GPHN: variants seen among roughly 807,000 people sequenced by gnomAD.
GPHN encodes gephyrin.
Under a neutral mutation model 95.5 loss-of-function variants are expected in GPHN, and 17 were observed. The observed-to-expected ratio is 0.18, with a 90% CI of 0.12 to 0.27. GPHN has a LOEUF of 0.27. GPHN is among the 10% of genes least tolerant of loss of function. The pLI is 1.00. For synonymous variants in GPHN, 320 were observed against 322.5 expected (o/e 0.99, Z 0.08); for missense variants, 660 against 978.1 (o/e 0.67, Z 4.34).
At chr14:67,690,093 T>G in the GPHN span, 1 of 801,602 alleles carries the variant, frequency 1.2e-6, no homozygotes, top group Non-Finnish European at 2.0e-6. Context: ...CTGTACCCAA[T>G]TATAGCCACG....
chr14:67,124,433 C>T (rs1268464274), intron 17 of GPHN, among the ~76,000 whole-genome samples: 3 of 152,036 alleles, frequency 2.0e-5, no homozygotes, highest in African/African-American at 7.2e-5. Flanking sequence ...GAAAGTAAAG[C>T]CAGTGTACAG....
the GPHN span, among the ~76,000 whole-genome samples, chr14:67,703,798 C>A: frequency 6.6e-6 from 1 of 152,120 alleles, no homozygotes; most frequent in Non-Finnish European, 1.5e-5. Context: ...ACTTCAGCCT[C>A]CCTAATAGCT....
At chr14:67,630,223 A>G in the GPHN span, among the ~76,000 whole-genome samples, 1 of 152,242 alleles carries the variant, frequency 6.6e-6, no homozygotes, top group Non-Finnish European at 1.5e-5. Flanking sequence ...AATGGGTATC[A>G]TAGATAACAG....
At chr14:67,602,275 T>A in the GPHN span, among the ~76,000 whole-genome samples, 2 of 152,062 alleles carry the variant, frequency 1.3e-5, no homozygotes, top group Non-Finnish European at 2.9e-5. Context: ...AACCGTCAGA[T>A]CTCGTGAGAG....
chr14:66,702,486 C>T (rs1338145322), intron 2 of GPHN, among the ~76,000 whole-genome samples: 1 of 152,140 alleles, frequency 6.6e-6, no homozygotes, highest in Admixed American at 6.5e-5. Context: ...GAGACATCTC[C>T]AGATGTGAGA....
At chr14:66,914,684 T>C (rs2065824244) in intron 5 of GPHN, among the ~76,000 whole-genome samples, 1 of 152,110 alleles carries the variant, frequency 6.6e-6, no homozygotes, top group African/African-American at 2.4e-5. Context: ...ATTCTAGATT[T>C]ATTCAATAAA....
chr14:67,721,060 G>A, the GPHN span, among the ~76,000 whole-genome samples: 5 of 152,228 alleles, frequency 3.3e-5, no homozygotes, highest in African/African-American at 1.2e-4. Flanking sequence ...TCCTGGTGCA[G>A]AGAAACACTC....
chr14:66,592,938 G>A (rs1026696342), intron 1 of GPHN, among the ~76,000 whole-genome samples: 1 of 152,186 alleles, frequency 6.6e-6, no homozygotes, highest in Admixed American at 6.5e-5. Context: ...ATCAAATTTG[G>A]CACATGTACA....
the GPHN span, chr14:67,228,208 T>C: frequency 6.4e-6 from 1 of 156,272 alleles, no homozygotes; most frequent in Non-Finnish European, 1.4e-5. Context: ...AATAATGTTT[T>C]AATGGCTGGA....
At chr14:67,126,329 T>C (rs1000450274) in intron 17 of GPHN, among the ~76,000 whole-genome samples, 3 of 152,176 alleles carry the variant, frequency 2.0e-5, no homozygotes, top group Non-Finnish European at 4.4e-5. Context: ...AATCCATAAT[T>C]CTCTACTATC....
chr14:67,094,934 T>C (rs996606816), intron 12 of GPHN, among the ~76,000 whole-genome samples: 3 of 152,208 alleles, frequency 2.0e-5, no homozygotes, highest in African/African-American at 7.2e-5. Context: ...TACAAGTTTG[T>C]AACCCAAGAG....
intron 1 of GPHN, among the ~76,000 whole-genome samples, chr14:66,670,216 T>A (rs1241680336): frequency 1.3e-5 from 2 of 152,172 alleles, no homozygotes; most frequent in Non-Finnish European, 2.9e-5. Context: ...GGCATGTTAG[T>A]TTTGGCTCCC....
chr14:67,202,998 T>C, the GPHN span: 1 of 1,305,874 alleles, frequency 7.7e-7, no homozygotes, highest in South Asian at 1.5e-5. Flanking sequence ...TCATTCCTCC[T>C]TTATTTCCTA....
At chr14:67,628,214 T>G in the GPHN span, among the ~76,000 whole-genome samples, 3 of 152,188 alleles carry the variant, frequency 2.0e-5, no homozygotes, top group Admixed American at 6.5e-5. Flanking sequence ...TCCTTTATAT[T>G]GCAGATTCTT....
chr14:67,560,727 C>CCT, the GPHN span, among the ~76,000 whole-genome samples: 2 of 126,430 alleles, frequency 1.6e-5, no homozygotes, highest in African/African-American at 6.0e-5. Flanking sequence ...GAACATATAT[C>CCT]TTTTTTTTTT....
the GPHN span, among the ~76,000 whole-genome samples, chr14:67,733,093 C>T: frequency 6.6e-6 from 1 of 151,526 alleles, no homozygotes; most frequent in Admixed American, 6.6e-5. Flanking sequence ...GCACGTTGTG[C>T]ACATGTACCC....
At chr14:66,801,424 T>G (rs1224483812) in intron 3 of GPHN, among the ~76,000 whole-genome samples, 1 of 152,220 alleles carries the variant, frequency 6.6e-6, no homozygotes, top group Non-Finnish European at 1.5e-5. Flanking sequence ...CTGAGATTCT[T>G]GCAGACTTGT....
the GPHN span, among the ~76,000 whole-genome samples, chr14:67,543,080 C>T: frequency 3.3e-5 from 5 of 152,194 alleles, no homozygotes; most frequent in Non-Finnish European, 7.3e-5. Flanking sequence ...GAGTGAAGAC[C>T]TGCACTTAAA....
chr14:67,265,595 G>T, the GPHN span, among the ~76,000 whole-genome samples: 1 of 151,714 alleles, frequency 6.6e-6, no homozygotes, highest in Non-Finnish European at 1.5e-5. Flanking sequence ...AGTGGCTCAC[G>T]CCTGTAATCC....
Sources: allele counts gnomAD v4.1 joint callset (sites outside exome capture counted in the v4.1 genomes callset), GRCh38; gene constraint gnomAD v4.1.1; transcripts MANE v1.5; gene names NCBI Gene and HGNC (gene_info 2026-07-23, HGNC 2026-07-21).